The following LEF1 variants were observed in gnomAD, a reference collection of about 807,000 sequenced individuals.
LEF1 encodes the protein lymphoid enhancer-binding factor 1.
In LEF1, 14 loss-of-function variants were observed where a neutral mutation model predicts 51.2. The ratio of observed to expected loss-of-function variants is 0.27; its 90% confidence interval spans 0.18 to 0.43. LEF1 has a LOEUF of 0.43. Ranked by LOEUF, LEF1 falls within the 20% of genes least tolerant of loss-of-function variation. LEF1 has a pLI of 1.00. For missense variants in LEF1, 386 were observed against 512.0 expected, an observed-to-expected ratio of 0.75 and a Z score of 2.37; for synonymous variants, 185 against 183.2, an observed-to-expected ratio of 1.01 and a Z score of -0.08.
At chr4:108,160,113 G>A (rs1744974693) in intron 3 of LEF1, among the ~76,000 whole-genome samples, 1 of 152,146 alleles carries the variant, frequency 6.6e-6, no homozygotes, top group African/African-American at 2.4e-5. Context: ...GTTGCATGCG[G>A]GACAAATGGA....
Position 108,168,414 on chromosome 4 carries a change from T to G in LEF1, c.-647A>C, listed in dbSNP as rs534898408. The G allele has an allele frequency of 6.6e-6, 1 of 152,426 alleles. No individual in the cohort carries two copies. Among genetic ancestry groups the G allele is most frequent in the East Asian group, 1.9e-4 (1 of 5,166 alleles). The allele number at this position is 152,426 out of a possible 1,614,324, so 9.4% of individuals were successfully genotyped here. A position where few individuals can be genotyped will look rare whatever the true frequency, so the allele number is the denominator to read the frequency against. ...GCCACCCACGCTGGAGATGTCCGTT[T>G]TAGATCTTCTTATTTTCTTCCCTTT... On this transcript the variant is annotated 5_prime_UTR_variant, in exon 1 of 12. An upstream open reading frame in the 5' UTR loses its in-frame stop. Transcript: ENST00000265165. This position sits in a 1 kb window ranked among gnomAD's most constrained non-coding sequence, Gnocchi z 4.6.
At chr4:108,150,005 TC>T (rs1396178418) in intron 3 of LEF1, among the ~76,000 whole-genome samples, 1 of 151,944 alleles carries the variant, frequency 6.6e-6, no homozygotes, top group Non-Finnish European at 1.5e-5. Context: ...AAAAGACTGT[TC>T]CTAATGTCTC....
At chr4:108,132,659 CTTTTTTTTTTT>C (rs749911957) in intron 3 of LEF1, among the ~76,000 whole-genome samples, 26 of 47,446 alleles carry the variant, frequency 5.5e-4, no homozygotes, top group African/African-American at 2.0e-3. Context: ...GAAAATCTGC[CTTTTTTTTTTT>C]TTTTTTTTTT....
chr4:108,104,496 TATA>T (rs561533132), intron 3 of LEF1, among the ~76,000 whole-genome samples: 231 of 147,274 alleles, frequency 1.6e-3, no homozygotes, highest in African/African-American at 5.4e-3. Flanking sequence ...TAAATTATTA[TATA>T]ATAATAATAT....
At chr4:108,125,712 G>C (rs1259668841) in intron 3 of LEF1, among the ~76,000 whole-genome samples, 1 of 150,802 alleles carries the variant, frequency 6.6e-6, no homozygotes, top group Admixed American at 6.6e-5. Context: ...ACACACCTTG[G>C]GATTTTTTTT....
intron 4 of LEF1, among the ~76,000 whole-genome samples, chr4:108,086,014 T>G (rs1166471352): frequency 1.3e-5 from 2 of 152,232 alleles, no homozygotes; most frequent in African/African-American, 2.4e-5. Context: ...AAGTCAGAAG[T>G]GTTAAAACAG....
chr4:108,157,207 CACACACACACACAA>C lies in LEF1; in HGVS notation c.414+6347_414+6360del, dbSNP rs1200928632. On this transcript the variant is annotated intron_variant, in intron 3 of 11. Coordinates refer to ENST00000265165, the MANE Select transcript of LEF1 (RefSeq NM_016269.5). Reference sequence around the variant, plus strand: ...ACACACACACACACACACACACACACACACACACACACAAACACACATATAGCTCTTTCGCCCAG... The same window carrying C: ...ACACACACACACACACACACACACACACACACATATAGCTCTTTCGCCCAG... Among the ~76,000 whole-genome samples, 1,244 of 151,224 alleles carry C rather than the reference CACACACACACACAA, an allele frequency of 8.2e-3. 20 individuals are homozygous for C. Among genetic ancestry groups the C allele is most frequent in the African/African-American group, 0.029 (1,179 of 41,112 alleles).
chr4:108,142,424 G>A (rs1387316124), intron 3 of LEF1, among the ~76,000 whole-genome samples: 1 of 152,046 alleles, frequency 6.6e-6, no homozygotes, highest in Non-Finnish European at 1.5e-5. Context: ...AAAACCTAAT[G>A]CCACCAAAAG....
chr4:108,061,207 G>C (rs534399240), intron 11 of LEF1, among the ~76,000 whole-genome samples: 23 of 152,122 alleles, frequency 1.5e-4, no homozygotes, highest in African/African-American at 5.5e-4. Context: ...GATGGCCTGA[G>C]AATGTTTTAG....
chr4:108,124,483 C>T (rs1052237249), intron 3 of LEF1, among the ~76,000 whole-genome samples: 9 of 152,002 alleles, frequency 5.9e-5, no homozygotes, highest in Non-Finnish European at 2.9e-5. Flanking sequence ...GATTCTCCTG[C>T]CTCAGCCTCC....
intron 3 of LEF1, among the ~76,000 whole-genome samples, chr4:108,114,801 T>C (rs185206317): frequency 6.6e-6 from 1 of 152,210 alleles, no homozygotes; most frequent in African/African-American, 2.4e-5. Context: ...GTATGTGCAA[T>C]GTCTGAGAGA....
intron 11 of LEF1, among the ~76,000 whole-genome samples, chr4:108,052,321 C>T (rs1737055594): frequency 6.6e-6 from 1 of 152,210 alleles, no homozygotes; most frequent in Non-Finnish European, 1.5e-5. Context: ...AATAAAAGAC[C>T]CTTTCTTCGT....
chr4:108,062,200 C>A (rs1737742191), intron 11 of LEF1, among the ~76,000 whole-genome samples: 1 of 152,168 alleles, frequency 6.6e-6, no homozygotes, highest in Admixed American at 6.5e-5. Context: ...GTACCAAAAT[C>A]TCTGCTGGCC....
chr4:108,144,683 A>G (rs535929143), intron 3 of LEF1, among the ~76,000 whole-genome samples: 1 of 152,202 alleles, frequency 6.6e-6, no homozygotes, highest in South Asian at 2.1e-4. Context: ...GGGCAGGGCC[A>G]CAGGAGGGGT....
intron 11 of LEF1, among the ~76,000 whole-genome samples, chr4:108,062,311 A>C (rs1038851894): frequency 2.0e-5 from 3 of 152,194 alleles, no homozygotes; most frequent in Non-Finnish European, 2.9e-5. Flanking sequence ...AGCTGCAGTA[A>C]ACACTCTTCT....
At chr4:108,065,070 A>G (rs1389205694) in intron 9 of LEF1, among the ~76,000 whole-genome samples, 2 of 152,232 alleles carry the variant, frequency 1.3e-5, no homozygotes, top group Non-Finnish European at 2.9e-5. Context: ...AACAGACAAA[A>G]TAACATGGAT....
At chr4:108,094,087 C>A (rs1466662136) in intron 3 of LEF1, among the ~76,000 whole-genome samples, 2 of 152,198 alleles carry the variant, frequency 1.3e-5, no homozygotes, top group African/African-American at 4.8e-5. Flanking sequence ...AGGCCAAGCT[C>A]ATTACCTGTA....
chr4:108,156,817 T>C (rs780912324), intron 3 of LEF1, among the ~76,000 whole-genome samples: 2 of 150,224 alleles, frequency 1.3e-5, no homozygotes, highest in Non-Finnish European at 3.0e-5. Context: ...AATGTGGACA[T>C]AGAGTGTCAA....
chr4:108,079,405 G>T, intron 7 of LEF1, 87 bp downstream of exon 7: 1 of 1,451,262 alleles, frequency 6.9e-7, no homozygotes. Flanking sequence ...ACACAAAGGG[G>T]TGAAGGATCA....
Sources: allele counts gnomAD v4.1 joint callset (sites outside exome capture counted in the v4.1 genomes callset), GRCh38; gene constraint gnomAD v4.1.1; non-coding constraint Gnocchi (gnomAD v3.1); transcripts MANE v1.5; gene names NCBI Gene and HGNC (gene_info 2026-07-23, HGNC 2026-07-21).